RAPGEF5: variants seen among roughly 807,000 people sequenced by gnomAD.
The protein encoded by RAPGEF5 is M-Ras-regulated GEF.
In RAPGEF5, 65 loss-of-function variants were observed where a neutral mutation model predicts 125.2. The ratio of observed to expected loss-of-function variants is 0.52; its 90% confidence interval spans 0.43 to 0.64. The LOEUF (loss-of-function observed/expected upper bound fraction) is 0.64. Among genes scored for constraint, RAPGEF5 ranks in the 30% least tolerant of loss-of-function variants. The probability of loss-of-function intolerance (pLI) is 0.00; values close to 1 mark genes in which losing one functional copy is unlikely to be tolerated. For missense variants in RAPGEF5, 958 were observed against 1,048.1 expected, an observed-to-expected ratio of 0.91 and a Z score of 1.19; for synonymous variants, 391 against 385.9, an observed-to-expected ratio of 1.01 and a Z score of -0.16.
rs146868947 is a variant in RAPGEF5, at chr7:22,247,980, G to A, written c.797-17061C>T. 4.1e-3 allele frequency among the ~76,000 whole-genome samples: 623 copies of A among 152,230 alleles called. 3 individuals carry two copies. Among genetic ancestry groups the A allele is most frequent in the Non-Finnish European group, 5.9e-3 (403 of 67,994 alleles). On this transcript the variant is annotated intron_variant, in intron 7 of 25. Transcript: ENST00000665637. ...AGACACTGTAGACTACTGGATGAGG[G>A]AAAGAGGGAGGGCAAGGGCCGAAAA...
chr7:22,353,675 C>A (rs1227173659), intron 1 of RAPGEF5, among the ~76,000 whole-genome samples: 1 of 152,124 alleles, frequency 6.6e-6, no homozygotes, highest in Non-Finnish European at 1.5e-5. Flanking sequence ...TACTTTGCTA[C>A]TGATTTTTAA....
chr7:22,298,186 T>G (rs553656730), intron 5 of RAPGEF5, among the ~76,000 whole-genome samples: 8 of 151,532 alleles, frequency 5.3e-5, no homozygotes, highest in African/African-American at 1.9e-4. Context: ...TTTTGTTTTT[T>G]TTTTTTTTGA....
In RAPGEF5 at chr7:22,150,406, C is replaced by G; in HGVS notation, c.1884+1G>C. 1 of 1,606,762 alleles carries G rather than the reference C, an allele frequency of 6.2e-7. No homozygotes were observed. The highest frequency in any genetic ancestry group is 8.5e-7 in the Non-Finnish European group (1 of 1,177,308). ...TCAAATACAAGGCTGAAGGTCCTTA[C>G]CAAAGTGTCCGCCAGGTCTTTCCGG... is the stretch of plus-strand genomic sequence containing the variant. On this transcript the variant is annotated splice_donor_variant, in intron 18 of 25. Coordinates refer to ENST00000665637, the MANE Select transcript of RAPGEF5 (RefSeq NM_012294.5). LOFTEE classifies it high-confidence loss of function.
chr7:22,198,343 T>C (rs1047180994), intron 9 of RAPGEF5, among the ~76,000 whole-genome samples: 2 of 152,094 alleles, frequency 1.3e-5, no homozygotes, highest in Non-Finnish European at 2.9e-5. Context: ...CTGAGGCAAA[T>C]AGACTGGGCT....
At chr7:22,351,885 T>G (rs768258077) in intron 1 of RAPGEF5, among the ~76,000 whole-genome samples, 16 of 152,222 alleles carry the variant, frequency 1.1e-4, no homozygotes, top group Non-Finnish European at 2.1e-4. Context: ...AAAGGGATAC[T>G]TTGTTCCTTT....
chr7:22,157,989 T>C, intron 14 of RAPGEF5, 104 bp from the exon 15 acceptor site: 2 of 1,082,578 alleles, frequency 1.8e-6, no homozygotes, highest in Non-Finnish European at 2.7e-6. Flanking sequence ...AGGATTTTGC[T>C]CTTTAAAAAA....
At chr7:22,310,893 C>T (rs956469215) in intron 3 of RAPGEF5, among the ~76,000 whole-genome samples, 3 of 152,162 alleles carry the variant, frequency 2.0e-5, no homozygotes, top group Non-Finnish European at 4.4e-5. Flanking sequence ...CTGGTTATTA[C>T]AGGCGGTATC....
At chr7:22,156,727 A>G in intron 16 of RAPGEF5, 83 bp downstream of exon 16, 1 of 1,591,102 alleles carries the variant, frequency 6.3e-7, no homozygotes, top group Non-Finnish European at 8.6e-7. Flanking sequence ...AATGAAGGTT[A>G]GTCAGGCTGA....
intron 5 of RAPGEF5, among the ~76,000 whole-genome samples, chr7:22,302,752 G>A (rs958782325): frequency 6.6e-6 from 1 of 150,996 alleles, no homozygotes; most frequent in African/African-American, 2.4e-5. Flanking sequence ...CTTTACTAAA[G>A]GGTGCTTCTT....
At chr7:22,224,082 TAA>T (rs1391537537) in intron 8 of RAPGEF5, among the ~76,000 whole-genome samples, 1 of 152,184 alleles carries the variant, frequency 6.6e-6, no homozygotes, top group African/African-American at 2.4e-5. Context: ...ACTCATGGCC[TAA>T]GAGAAGGGGA....
chr7:22,334,575 G>A (rs539427514), intron 1 of RAPGEF5, among the ~76,000 whole-genome samples: 1 of 152,328 alleles, frequency 6.6e-6, no homozygotes, highest in Admixed American at 6.5e-5. Flanking sequence ...ATCCTGGACA[G>A]CAGCCTGGCA....
chr7:22,349,379 C>T (rs1259221126), intron 1 of RAPGEF5, among the ~76,000 whole-genome samples: 1 of 146,930 alleles, frequency 6.8e-6, no homozygotes, highest in African/African-American at 2.5e-5. Context: ...GGCTGAGATC[C>T]CACCAATACA....
At chr7:22,146,472 T>A (rs1783442649) in intron 19 of RAPGEF5, among the ~76,000 whole-genome samples, 1 of 152,248 alleles carries the variant, frequency 6.6e-6, no homozygotes, top group Admixed American at 6.5e-5. Flanking sequence ...CAATGCAGTC[T>A]AAATTTGTAG....
chr7:22,196,179 AAT>A (rs1278794854), intron 9 of RAPGEF5, among the ~76,000 whole-genome samples: 1 of 152,230 alleles, frequency 6.6e-6, no homozygotes, highest in Non-Finnish European at 1.5e-5. Context: ...TACAAAGGGA[AAT>A]ATGTTATCTA....
At chr7:22,159,518 A>G (rs12533150) in intron 14 of RAPGEF5, among the ~76,000 whole-genome samples, 149,825 of 152,348 alleles carry the variant, frequency 0.98, 73,679 homozygotes, top group African/African-American at 1. Context: ...CAATGTATGT[A>G]CTTTATGTTT....
At chr7:22,123,295 A>C (rs1782638820) in intron 25 of RAPGEF5, among the ~76,000 whole-genome samples, 1 of 152,186 alleles carries the variant, frequency 6.6e-6, no homozygotes, top group African/African-American at 2.4e-5. Flanking sequence ...AACCAGGATG[A>C]AGCAGCATGA....
chr7:22,343,902 G>C (rs867421458), intron 1 of RAPGEF5, among the ~76,000 whole-genome samples: 3 of 151,186 alleles, frequency 2.0e-5, no homozygotes, highest in Non-Finnish European at 4.4e-5. Context: ...GGGTGTCTGC[G>C]GAAAAAAAAA....
chr7:22,215,878 A>T (rs1239103302), intron 9 of RAPGEF5, among the ~76,000 whole-genome samples: 4 of 152,358 alleles, frequency 2.6e-5, no homozygotes, highest in African/African-American at 4.8e-5. Context: ...TCAGTGAGAT[A>T]AATACTAACA....
chr7:22,154,513 T>C lies in RAPGEF5; in HGVS notation c.1728A>G (p.Ala576=). The change falls in exon 17 of 26, where the codon GCA becomes GCG. Residue 576 remains alanine (A), a synonymous_variant. Transcript: ENST00000665637. ...SIAQEILKVV[A]EKIQYAEEDL... ...CCTCTTCTGCATACTGGATCTTTTCTGCCACGACTTTTAGGATCTCTTGGG... is the reference window on the plus strand; with the variant it reads ...CCTCTTCTGCATACTGGATCTTTTCCGCCACGACTTTTAGGATCTCTTGGG... The C allele has an allele frequency of 1.2e-6, 2 of 1,613,934 alleles. No individual in the cohort carries two copies. Among genetic ancestry groups the C allele is most frequent in the Non-Finnish European group, 1.7e-6 (2 of 1,179,840 alleles).
Sources: allele counts gnomAD v4.1 joint callset (sites outside exome capture counted in the v4.1 genomes callset), GRCh38; gene constraint gnomAD v4.1.1; transcripts MANE v1.5; gene names NCBI Gene and HGNC (gene_info 2026-07-23, HGNC 2026-07-21).